Variants in SCN10A observed in about 807,000 individuals in gnomAD.
SCN10A encodes sodium voltage-gated channel alpha subunit 10, also known as sodium channel protein type 10 subunit alpha.
SCN10A carries 162 observed loss-of-function variants against 170.7 expected under a neutral mutation model. The observed-to-expected ratio is 0.95, with a 90% CI of 0.84 to 1.08. The LOEUF (loss-of-function observed/expected upper bound fraction) is 1.08. Ranked by LOEUF, SCN10A falls within the 50% of genes least tolerant of loss-of-function variation. The pLI is 0.00. For missense variants in SCN10A, 2,527 were observed against 2,436.9 expected, an observed-to-expected ratio of 1.04 and a Z score of -0.78; for synonymous variants, 985 against 904.6, an observed-to-expected ratio of 1.09 and a Z score of -1.59.
At chr3:38,746,878 A>T (rs1575993971) in intron 13 of SCN10A, among the ~76,000 whole-genome samples, 1 of 152,312 alleles carries the variant, frequency 6.6e-6, no homozygotes, top group Non-Finnish European at 1.5e-5. Flanking sequence ...GTGAAATCTC[A>T]GCTTGCATGC....
intron 25 of SCN10A, among the ~76,000 whole-genome samples, chr3:38,707,739 G>A (rs942693566): frequency 6.6e-6 from 1 of 152,202 alleles, no homozygotes; most frequent in Non-Finnish European, 1.5e-5. Context: ...AATTCTTTGG[G>A]CTTCTAGAGT....
In SCN10A at chr3:38,700,216, T is replaced by C. The variant is rs902508737; in HGVS notation, c.4657+1623A>G. Among the ~76,000 whole-genome samples the C allele has an allele frequency of 7.9e-5, 12 of 152,320 alleles. No individual in the cohort carries two copies. The South Asian group carries it at 2.5e-3, about 32-fold the overall frequency. ...AGGACAAAAACGACATGATTGCATT[T>C]ATATAAGGAATCTAAAATAGTCAAA... On this transcript the variant is annotated intron_variant, in intron 27 of 27. Coordinates refer to ENST00000449082, the MANE Select transcript of SCN10A (RefSeq NM_006514.4).
chr3:38,698,237 G>T lies in SCN10A; in HGVS notation c.4983C>A (p.Ala1661=), dbSNP rs775273379. 2 of 1,614,140 alleles carry T rather than the reference G, an allele frequency of 1.2e-6. No individual in the cohort carries two copies. Among genetic ancestry groups the T allele is most frequent in the South Asian group, 2.2e-5 (2 of 91,066 alleles). ...MLCLFQITTS[A]GWDGLLSPIL... is the part of the protein sequence containing the mutation. ...TGGGGCTGAGGAGGCCATCCCAGCC[G>T]GCCGACGTGGTAATCTGGAAGAGGC... The change falls in exon 28 of 28, where the codon GCC becomes GCA. Residue 1661 remains alanine (A), a synonymous_variant. Coordinates refer to ENST00000449082, the MANE Select transcript of SCN10A (RefSeq NM_006514.4).
chr3:38,700,330 A>G (rs1015224788), intron 27 of SCN10A, among the ~76,000 whole-genome samples: 8 of 152,230 alleles, frequency 5.3e-5, no homozygotes, highest in Admixed American at 3.9e-4. Context: ...ACAAACTTCC[A>G]GTTATGTGAC....
intron 5 of SCN10A, among the ~76,000 whole-genome samples, chr3:38,770,863 G>A (rs1388703983): frequency 6.6e-6 from 1 of 152,194 alleles, no homozygotes. Context: ...TCTCAAGCTG[G>A]AGACTGGGAG....
chr3:38,790,053 A>G (rs1239913422), intron 3 of SCN10A, among the ~76,000 whole-genome samples: 1 of 152,132 alleles, frequency 6.6e-6, no homozygotes, highest in Non-Finnish European at 1.5e-5. Context: ...GAACACATCT[A>G]TTATGAAAAG....
At chr3:38,727,162 C>T in intron 16 of SCN10A, 110 bp from the exon 17 acceptor site, 1 of 972,606 alleles carries the variant, frequency 1.0e-6, no homozygotes, top group Middle Eastern at 2.3e-4. Flanking sequence ...GGGCCTCTTC[C>T]TGCCCACCCG....
In SCN10A at chr3:38,729,703, GT is replaced by G. The variant is rs752497016; in HGVS notation, c.2281-803del. Among the ~76,000 whole-genome samples the G allele has an allele frequency of 5.3e-5, 8 of 152,160 alleles. No homozygotes were observed. The South Asian group carries it at 8.3e-4, about 16-fold the overall frequency. On this transcript the variant is annotated intron_variant, in intron 15 of 27. Coordinates refer to ENST00000449082, the MANE Select transcript of SCN10A (RefSeq NM_006514.4). ...ATGTGTTTTAAAATATATTTGTATGGTTCTCTAATTTGTCAGGAAAAAAAAT... is the reference window on the plus strand; with the variant it reads ...ATGTGTTTTAAAATATATTTGTATGGTCTCTAATTTGTCAGGAAAAAAAAT...
intron 1 of SCN10A, among the ~76,000 whole-genome samples, chr3:38,813,845 C>T (rs560568656): frequency 1.1e-4 from 16 of 152,318 alleles, no homozygotes; most frequent in Non-Finnish European, 2.2e-4. Context: ...AGGGACAGAA[C>T]GTATTTGCTT....
intron 4 of SCN10A, among the ~76,000 whole-genome samples, chr3:38,774,588 C>T (rs2064048991): frequency 6.6e-6 from 1 of 152,126 alleles, no homozygotes. Flanking sequence ...GCCACTTGCA[C>T]CACTGATGTC....
chr3:38,741,666 G>A (rs147248566), intron 14 of SCN10A, among the ~76,000 whole-genome samples: 381 of 152,286 alleles, frequency 2.5e-3, no homozygotes, highest in Non-Finnish European at 3.6e-3. Flanking sequence ...CTTGTTAAGA[G>A]TAAATAATAC....
intron 19 of SCN10A, 52 bp from the exon 20 acceptor site, chr3:38,722,464 A>C (rs2063401704): frequency 1.3e-6 from 2 of 1,577,632 alleles, no homozygotes; most frequent in East Asian, 4.5e-5. Flanking sequence ...CAAAGGGGAT[A>C]ATTTCTGCTC....
chr3:38,704,368 T>C (rs1312803277), intron 26 of SCN10A, among the ~76,000 whole-genome samples: 1 of 152,186 alleles, frequency 6.6e-6, no homozygotes, highest in Non-Finnish European at 1.5e-5. Flanking sequence ...TACAGGCCCA[T>C]TCATGGTCAC....
At chr3:38,709,109 T>C (rs2063242961) in intron 25 of SCN10A, among the ~76,000 whole-genome samples, 1 of 152,066 alleles carries the variant, frequency 6.6e-6, no homozygotes, top group South Asian at 2.1e-4. Context: ...TTTCCTGAGG[T>C]GCCCTGACTC....
At chr3:38,812,554 C>T (rs181295158) in intron 1 of SCN10A, among the ~76,000 whole-genome samples, 6 of 152,176 alleles carry the variant, frequency 3.9e-5, no homozygotes, top group Admixed American at 3.9e-4. Context: ...GTAACTACCC[C>T]CAAGACAAAG....
intron 2 of SCN10A, among the ~76,000 whole-genome samples, 190 bp downstream of exon 2, chr3:38,793,551 T>C (rs892057697): frequency 2.0e-5 from 3 of 152,160 alleles, no homozygotes; most frequent in Non-Finnish European, 4.4e-5. Flanking sequence ...GTTTCTATCA[T>C]AAATGTCATA....
Position 38,742,538 on chromosome 3 carries a change from T to C in SCN10A, c.1868-9A>G, listed in dbSNP as rs6599250. ...TTCAGACTCCTCGAGTTCTGCATTA[T>C]AGTGTGGTCAATGACAGCTGTCAGC... On this transcript the variant is annotated splice_polypyrimidine_tract_variant and intron_variant, in intron 13 of 27. Transcript: ENST00000449082. 0.62 allele frequency: 1,000,157 copies of C among 1,609,664 alleles called. 316,134 individuals are homozygous for C. The highest frequency in any genetic ancestry group is 0.91 in the African/African-American group (68,276 of 74,954).
intron 13 of SCN10A, among the ~76,000 whole-genome samples, chr3:38,744,705 A>G (rs2063669225): frequency 1.3e-5 from 2 of 152,128 alleles, no homozygotes; most frequent in South Asian, 4.1e-4. Flanking sequence ...GGTAAAGAGT[A>G]AGATATTGAT....
At position 38,697,813 on chromosome 3, in the gene SCN10A, TG is replaced by T. The variant is rs2063108599; in HGVS notation, c.5406del (p.Asp1802GlufsTer11). 1 of 1,614,172 alleles carries T rather than the reference TG, an allele frequency of 6.2e-7. No homozygotes were observed. The highest frequency in any genetic ancestry group is 1.3e-5 in the African/African-American group (1 of 75,046). On this transcript the variant is annotated frameshift_variant, in exon 28 of 28. Transcript: ENST00000449082. LOFTEE classifies it high-confidence loss of function. ...ACATTCTTGGTGAAAGCAAAAAGGA[TG>T]TCCAAGCAGTGGATCTTATCTCCAG... ...LVPGDKIHCL[D>X]ILFAFTKNVL...
Sources: gnomAD v4.1 joint callset for allele counts (sites outside exome capture counted in the v4.1 genomes callset) on GRCh38, gnomAD v4.1.1 for gene constraint, MANE v1.5 for transcripts, NCBI Gene and HGNC (gene_info 2026-07-23, HGNC 2026-07-21) for gene names.